Variants in ASTN2 observed in about 807,000 individuals in gnomAD.
ASTN2 encodes the protein astrotactin-2.
Under a neutral mutation model 139.8 loss-of-function variants are expected in ASTN2, and 54 were observed. The ratio of observed to expected loss-of-function variants is 0.39; its 90% CI spans 0.31 to 0.48. The LOEUF (loss-of-function observed/expected upper bound fraction) is 0.48. Among genes scored for constraint, ASTN2 ranks in the 20% least tolerant of loss-of-function variants. The probability of loss-of-function intolerance (pLI) is 0.95; values close to 1 mark genes in which losing one functional copy is unlikely to be tolerated. For synonymous variants in ASTN2, 756 were observed against 719.5 expected, an observed-to-expected ratio of 1.05 and a Z score of -0.81; for missense variants, 1,565 against 1,725.1, an observed-to-expected ratio of 0.91 and a Z score of 1.64.
rs754678508 is a variant in ASTN2, at chr9:116,651,555, G to A, written c.3045C>T (p.Thr1015=). 6 of 1,614,004 alleles carry A rather than the reference G, an allele frequency of 3.7e-6. No individual in the cohort carries two copies. Among genetic ancestry groups the A allele is most frequent in the Non-Finnish European group, 4.2e-6 (5 of 1,180,032 alleles). The stretch of plus-strand genomic sequence containing the variant: ...CCTTTGTGCCATTGTCTTGGATGAG[G>A]GTATAAAGTGGCACCACACGGTTGA... ...LEINRVVPLY[T]LIQDNGTKEA... Residue 1015 remains threonine (T), a synonymous_variant, in exon 17 of 23, where the codon ACC becomes ACT. Coordinates refer to ENST00000313400, the MANE Select transcript of ASTN2 (RefSeq NM_001365068.1).
chr9:116,681,422 T>G (rs1388979587), intron 16 of ASTN2, among the ~76,000 whole-genome samples: 2 of 152,158 alleles, frequency 1.3e-5, no homozygotes, highest in Admixed American at 1.3e-4. Flanking sequence ...GTAGGAAGAA[T>G]TAATATCGTG....
intron 19 of ASTN2, among the ~76,000 whole-genome samples, chr9:116,535,824 A>T (rs1851598091): frequency 6.6e-6 from 1 of 152,090 alleles, no homozygotes. Flanking sequence ...GAATCTGATA[A>T]TTATGTGTCT....
chr9:117,162,115 A>T (rs1830566991), intron 3 of ASTN2, among the ~76,000 whole-genome samples: 1 of 152,116 alleles, frequency 6.6e-6, no homozygotes, highest in African/African-American at 2.4e-5. Flanking sequence ...ATAGATCATG[A>T]GAAAAGCAGA....
intron 16 of ASTN2, among the ~76,000 whole-genome samples, chr9:116,685,882 T>C (rs114026634): frequency 6.6e-6 from 1 of 152,024 alleles, no homozygotes; most frequent in African/African-American, 2.4e-5. Context: ...TTGATACATA[T>C]ACACACATAT....
At chr9:116,966,091 T>G (rs948419934) in intron 10 of ASTN2, among the ~76,000 whole-genome samples, 2 of 152,156 alleles carry the variant, frequency 1.3e-5, no homozygotes. Context: ...AATCATACTT[T>G]CATGTGTCTC....
intron 13 of ASTN2, among the ~76,000 whole-genome samples, chr9:116,771,058 C>T (rs1224290050): frequency 5.9e-5 from 9 of 152,208 alleles, no homozygotes; most frequent in Admixed American, 5.2e-4. Flanking sequence ...CTGCTGATCT[C>T]TCTGCCTAAA....
intron 3 of ASTN2, among the ~76,000 whole-genome samples, chr9:117,202,954 G>A (rs1333236734): frequency 6.6e-6 from 1 of 151,890 alleles, no homozygotes; most frequent in Non-Finnish European, 1.5e-5. Flanking sequence ...CATTTTTCCT[G>A]TCTCCTTCTG....
chr9:116,839,360 G>C (rs1199644767), intron 11 of ASTN2, among the ~76,000 whole-genome samples: 1 of 151,962 alleles, frequency 6.6e-6, no homozygotes, highest in Non-Finnish European at 1.5e-5. Flanking sequence ...CTTTATTGAA[G>C]TATAATCTAC....
Position 116,863,177 on chromosome 9 carries a change from C to G in ASTN2, c.2040+406G>C, listed in dbSNP as rs1649832341. Among the ~76,000 whole-genome samples the G allele has an allele frequency of 1.1e-4, 16 of 152,222 alleles. No individual in the cohort carries two copies. The South Asian group carries it at 3.3e-3, about 32-fold the overall frequency. Reference sequence around the variant, plus strand: ...GCCTTCTACGAAACTGAGGTCCCAGCTGAAACTTTCTCTTCCGGACCACAC... The same window carrying G: ...GCCTTCTACGAAACTGAGGTCCCAGGTGAAACTTTCTCTTCCGGACCACAC... On this transcript the variant is annotated intron_variant, in intron 11 of 22. Transcript: ENST00000313400.
At chr9:117,186,541 T>C (rs1293026969) in intron 3 of ASTN2, among the ~76,000 whole-genome samples, 1 of 151,260 alleles carries the variant, frequency 6.6e-6, no homozygotes, top group African/African-American at 2.4e-5. Context: ...AGCGAGACTC[T>C]GTCTCAAAAA....
At chr9:117,074,452 G>A (rs778687745) in intron 5 of ASTN2, among the ~76,000 whole-genome samples, 1 of 152,202 alleles carries the variant, frequency 6.6e-6, no homozygotes, top group Non-Finnish European at 1.5e-5. Flanking sequence ...AGACAGAGCT[G>A]AGTCAACATG....
chr9:116,756,670 T>C (rs1406304886), intron 13 of ASTN2, among the ~76,000 whole-genome samples: 1 of 152,062 alleles, frequency 6.6e-6, no homozygotes, highest in Non-Finnish European at 1.5e-5. Context: ...AGCCTTCTTC[T>C]ATCAGCAGCT....
chr9:117,167,044 T>C (rs1431050373), intron 3 of ASTN2, among the ~76,000 whole-genome samples: 1 of 152,150 alleles, frequency 6.6e-6, no homozygotes, highest in African/African-American at 2.4e-5. Context: ...TTTTGTAATT[T>C]AGAAAGATGA....
At chr9:116,477,128 G>A (rs931562010) in intron 20 of ASTN2, among the ~76,000 whole-genome samples, 2 of 151,908 alleles carry the variant, frequency 1.3e-5, no homozygotes, top group Non-Finnish European at 2.9e-5. Flanking sequence ...GAATCTTGAC[G>A]CAGTGTGAGG....
At chr9:116,707,295 A>G (rs1047264066) in intron 16 of ASTN2, among the ~76,000 whole-genome samples, 100 of 143,600 alleles carry the variant, frequency 7.0e-4, no homozygotes, top group Non-Finnish European at 1.4e-3. Context: ...CAAAAAAAAA[A>G]AAAAAAAAAA....
At chr9:117,381,356 C>G (rs887359556) in intron 1 of ASTN2, among the ~76,000 whole-genome samples, 2 of 152,082 alleles carry the variant, frequency 1.3e-5, no homozygotes, top group Non-Finnish European at 2.9e-5. Flanking sequence ...ATATGAGATA[C>G]ATTCCAACAT....
At chr9:117,395,998 CCA>C (rs995222084) in intron 1 of ASTN2, among the ~76,000 whole-genome samples, 4 of 152,154 alleles carry the variant, frequency 2.6e-5, no homozygotes, top group African/African-American at 9.7e-5. Flanking sequence ...ACTATTGGAA[CCA>C]CAGTTTTCTC....
intron 3 of ASTN2, among the ~76,000 whole-genome samples, chr9:117,182,326 GAC>G (rs35259944): frequency 1.3e-5 from 2 of 149,256 alleles, no homozygotes; most frequent in African/African-American, 2.5e-5. Context: ...CACAGACACA[GAC>G]ACACACACAC....
intron 2 of ASTN2, among the ~76,000 whole-genome samples, chr9:117,229,746 T>C (rs11787579): frequency 0.14 from 21,101 of 152,150 alleles, 1,970 homozygotes; most frequent in East Asian, 0.33. Context: ...CCTGGGTTCC[T>C]GGCCCATTCA....
Sources: gnomAD v4.1 joint callset for allele counts (sites outside exome capture counted in the v4.1 genomes callset) on GRCh38, gnomAD v4.1.1 for gene constraint, MANE v1.5 for transcripts, NCBI Gene and HGNC (gene_info 2026-07-23, HGNC 2026-07-21) for gene names.